XPO4: variants seen among roughly 807,000 people sequenced by gnomAD.
XPO4 encodes exportin 4, also known as exportin-4.
Under a neutral mutation model 143.0 loss-of-function variants are expected in XPO4, and 39 were observed. That is an observed-to-expected ratio of 0.27 (90% CI 0.21 to 0.36). The LOEUF (loss-of-function observed/expected upper bound fraction) is 0.36, where lower values mean the gene tolerates loss of function less well. Ranked by LOEUF, XPO4 falls within the 10% of genes least tolerant of loss-of-function variation. The pLI, the probability that XPO4 is intolerant of heterozygous loss-of-function variation, is 1.00. For synonymous variants in XPO4, 439 were observed against 474.0 expected, an observed-to-expected ratio of 0.93 and a Z score of 0.96; for missense variants, 907 against 1,348.0, an observed-to-expected ratio of 0.67 and a Z score of 5.12.
At chr13:20,848,171 A>C in intron 4 of XPO4, 18 of 926,670 alleles carry the variant, frequency 1.9e-5, no homozygotes, top group Non-Finnish European at 2.2e-5. Flanking sequence ...AGGTAGTTCT[A>C]AATGGATCAT....
At chr13:20,867,075 C>T (rs1313338718) in intron 2 of XPO4, among the ~76,000 whole-genome samples, 2 of 152,190 alleles carry the variant, frequency 1.3e-5, no homozygotes, top group East Asian at 1.9e-4. Flanking sequence ...TGAATTAATG[C>T]TTCCTTAAAC....
chr13:20,794,527 T>C (rs570198665), intron 18 of XPO4, among the ~76,000 whole-genome samples: 4 of 152,260 alleles, frequency 2.6e-5, no homozygotes, highest in South Asian at 2.1e-4. Flanking sequence ...GGAAAATGTA[T>C]AGAAGAGTTT....
intron 19 of XPO4, among the ~76,000 whole-genome samples, chr13:20,789,894 C>T (rs527530232): frequency 2.6e-4 from 40 of 152,074 alleles, no homozygotes; most frequent in Non-Finnish European, 5.6e-4. Flanking sequence ...GTGGTACTTA[C>T]GGATGGTAGA....
chr13:20,794,704 CTGGATG>C (rs2059333215), intron 18 of XPO4, among the ~76,000 whole-genome samples: 1 of 152,100 alleles, frequency 6.6e-6, no homozygotes, highest in Non-Finnish European at 1.5e-5. Context: ...GCACTCTAGC[CTGGATG>C]ACAGAGGGAG....
At chr13:20,846,327 C>T (rs148944953) in intron 4 of XPO4, among the ~76,000 whole-genome samples, 96 of 152,264 alleles carry the variant, frequency 6.3e-4, no homozygotes, top group Non-Finnish European at 1.0e-3. Context: ...ATGTGGTTTA[C>T]GGTCAAGATG....
intron 22 of XPO4, 34 bp from the exon 23 acceptor site, chr13:20,783,953 CCTT>C (rs2059169859): frequency 1.3e-6 from 2 of 1,599,188 alleles, no homozygotes; most frequent in Middle Eastern, 1.7e-4. Context: ...CAAGTATCCT[CCTT>C]AGAATATCAT....
chr13:20,901,665 T>A (rs1261532340), intron 1 of XPO4, among the ~76,000 whole-genome samples: 1 of 152,170 alleles, frequency 6.6e-6, no homozygotes, highest in Admixed American at 6.5e-5. Context: ...AACTACAAAC[T>A]ACGCTAGAAT....
At chr13:20,858,564 T>C (rs1414113984) in intron 3 of XPO4, among the ~76,000 whole-genome samples, 2 of 151,644 alleles carry the variant, frequency 1.3e-5, no homozygotes, top group East Asian at 3.9e-4. Context: ...TTAAAAAAAA[T>C]GTTTGAGATA....
intron 18 of XPO4, among the ~76,000 whole-genome samples, chr13:20,791,356 C>A (rs887124184): frequency 8.5e-5 from 13 of 152,072 alleles, no homozygotes; most frequent in African/African-American, 2.9e-4. Context: ...TATATTAAGA[C>A]CATTTTGAGA....
rs150115800 is a variant in XPO4 at position 20,823,977 on chromosome 13, A to G, written c.841-1688T>C. On this transcript the variant is annotated intron_variant, in intron 7 of 22. Transcript: ENST00000255305. ...AACATTCACATTTTAATGACCATCA[A>G]TAAGCTTTACTGGAACACCGCCGTG... Among the ~76,000 whole-genome samples the G allele has an allele frequency of 5.7e-3, 873 of 152,274 alleles. 13 individuals carry two copies. The highest frequency in any genetic ancestry group is 0.02 in the African/African-American group (839 of 41,558).
At chr13:20,842,456 C>G (rs115719888) in intron 6 of XPO4, among the ~76,000 whole-genome samples, 79 of 152,240 alleles carry the variant, frequency 5.2e-4, no homozygotes, top group African/African-American at 1.7e-3. Flanking sequence ...AACTTATTAC[C>G]TATACTTGAA....
At chr13:20,822,091 G>A (rs748842463) in intron 8 of XPO4, 41 bp downstream of exon 8, 13 of 1,562,350 alleles carry the variant, frequency 8.3e-6, no homozygotes, top group Middle Eastern at 1.7e-4. Context: ...AACACAAAAC[G>A]TAGAGCTCCT....
intron 18 of XPO4, among the ~76,000 whole-genome samples, chr13:20,792,046 G>A (rs1219801190): frequency 6.6e-6 from 1 of 152,204 alleles, no homozygotes; most frequent in Non-Finnish European, 1.5e-5. Context: ...CCAGGTATCT[G>A]CCAAGAAGAC....
At chr13:20,854,948 T>C (rs2060127981) in intron 4 of XPO4, among the ~76,000 whole-genome samples, 1 of 152,228 alleles carries the variant, frequency 6.6e-6, no homozygotes, top group Admixed American at 6.5e-5. Flanking sequence ...TTCTACTTTA[T>C]TCAAACACTT....
At chr13:20,874,800 C>T (rs572519770) in intron 1 of XPO4, among the ~76,000 whole-genome samples, 11 of 152,286 alleles carry the variant, frequency 7.2e-5, no homozygotes, top group Admixed American at 2.6e-4. Flanking sequence ...CGAGACCAGC[C>T]TGACCAACAT....
intron 19 of XPO4, among the ~76,000 whole-genome samples, chr13:20,789,814 T>G (rs1333879871): frequency 6.6e-6 from 1 of 151,936 alleles, no homozygotes; most frequent in Non-Finnish European, 1.5e-5. Context: ...ACTCCTCCTT[T>G]CCTTTCCACC....
intron 4 of XPO4, among the ~76,000 whole-genome samples, chr13:20,847,475 G>A (rs2060039475): frequency 6.6e-6 from 1 of 152,110 alleles, no homozygotes; most frequent in Non-Finnish European, 1.5e-5. Flanking sequence ...AAAAATTAAA[G>A]CATCAAATCT....
intron 4 of XPO4, among the ~76,000 whole-genome samples, chr13:20,844,186 AAAT>A (rs1454746569): frequency 6.6e-6 from 1 of 152,232 alleles, no homozygotes; most frequent in East Asian, 1.9e-4. Context: ...TGATATTTAA[AAAT>A]AATAAATGTT....
chr13:20,838,561 G>C (rs1431718839), intron 6 of XPO4, among the ~76,000 whole-genome samples: 1 of 138,138 alleles, frequency 7.2e-6, no homozygotes, highest in Non-Finnish European at 1.5e-5. Context: ...AGTGAGCCGA[G>C]ATCATGCCAC....
Sources: allele counts gnomAD v4.1 joint callset (sites outside exome capture counted in the v4.1 genomes callset), GRCh38; gene constraint gnomAD v4.1.1; transcripts MANE v1.5; gene names NCBI Gene and HGNC (gene_info 2026-07-23, HGNC 2026-07-21).